Variants in SLC6A11 observed in about 807,000 individuals in gnomAD.
SLC6A11 encodes the protein solute carrier family 6 member 11, also known as sodium- and chloride-dependent GABA transporter 3.
In SLC6A11, 25 loss-of-function variants were observed where a neutral mutation model predicts 74.8. That is an observed-to-expected ratio of 0.33 (90% CI 0.24 to 0.47). SLC6A11 has a LOEUF of 0.47. Ranked by LOEUF, SLC6A11 falls within the 20% of genes least tolerant of loss-of-function variation. The pLI is 1.00. For synonymous variants in SLC6A11, 330 were observed against 330.2 expected (o/e 1.00, Z 0.01); for missense variants, 574 against 837.0 (o/e 0.69, Z 3.88).
Position 10,938,729 on chromosome 3 carries a change from G to T in SLC6A11, c.*327G>T, listed in dbSNP as rs1374679009. ...AAAACTTTTTTTACTGGGGTTGTGG[G>T]CCAGGTGGGGTGGGGAGTGATGGCT... On this transcript the variant is annotated 3_prime_UTR_variant, in exon 14 of 14. Coordinates refer to ENST00000254488, the MANE Select transcript of SLC6A11 (RefSeq NM_014229.3). The T allele has an allele frequency of 6.3e-5, 11 of 174,834 alleles. No homozygotes were observed. Among genetic ancestry groups the T allele is most frequent in the African/African-American group, 2.6e-4 (11 of 42,470 alleles). 10.8% of individuals were successfully genotyped at this position (174,834 alleles called of 1,614,324 possible).
intron 4 of SLC6A11, among the ~76,000 whole-genome samples, chr3:10,837,422 C>T (rs1694381101): frequency 6.6e-6 from 1 of 152,270 alleles, no homozygotes; most frequent in Non-Finnish European, 1.5e-5. Flanking sequence ...CACAATTCCC[C>T]ATCTTTCCCA....
chr3:10,927,545 G>A (rs753615813), intron 9 of SLC6A11, among the ~76,000 whole-genome samples: 5 of 152,202 alleles, frequency 3.3e-5, no homozygotes, highest in Non-Finnish European at 7.3e-5. Context: ...TCGTGTACCC[G>A]GGCCCGTCTG....
At chr3:10,823,198 G>T in intron 3 of SLC6A11, 104 bp from the exon 4 acceptor site, 2 of 761,662 alleles carry the variant, frequency 2.6e-6, no homozygotes, top group Non-Finnish European at 4.7e-6. Flanking sequence ...ACCTGGAGTG[G>T]GTAGATGAAA....
chr3:10,928,581 A>G (rs1454410074), intron 9 of SLC6A11, among the ~76,000 whole-genome samples: 1 of 152,204 alleles, frequency 6.6e-6, no homozygotes. Flanking sequence ...TTAGTGGCTC[A>G]GACTCAGCCA....
rs1345449435 is a variant in SLC6A11, at chr3:10,926,804, C to T, written c.1233+688C>T. Among the ~76,000 whole-genome samples the T allele has an allele frequency of 6.6e-6, 1 of 152,190 alleles. No homozygotes were observed. Among genetic ancestry groups the T allele is most frequent in the Non-Finnish European group, 1.5e-5 (1 of 68,036 alleles). On this transcript the variant is annotated intron_variant, in intron 9 of 13. Coordinates refer to ENST00000254488, the MANE Select transcript of SLC6A11 (RefSeq NM_014229.3). The surrounding 1 kb of genome is among the most constrained non-coding windows in gnomAD (Gnocchi z 5.7). ...CTGAGCACACTCCAGACTCCCATCC[C>T]AGGTCCCCGGCCTCTTTCCCAGACC...
In SLC6A11 at chr3:10,934,911, C is replaced by T; in HGVS notation, c.1576-118C>T. 5.8e-6 allele frequency: 5 copies of T among 867,018 alleles called. No individual in the cohort carries two copies. In the South Asian group the frequency reaches 8.1e-5, roughly 14 times the overall value. The allele number at this position is 867,018 out of a possible 1,614,324, so 53.7% of individuals were successfully genotyped here. On this transcript the variant is annotated intron_variant, in intron 12 of 13. Transcript: ENST00000254488. ...GGCCTCACTTTTCATGGCTGTGAAACAGGGCCAGCTTCCTCCCCTGCCAGC... is the reference window on the plus strand; with the variant it reads ...GGCCTCACTTTTCATGGCTGTGAAATAGGGCCAGCTTCCTCCCCTGCCAGC...
At chr3:10,910,998 T>A (rs1197595878) in intron 6 of SLC6A11, among the ~76,000 whole-genome samples, 1 of 151,948 alleles carries the variant, frequency 6.6e-6, no homozygotes, top group Non-Finnish European at 1.5e-5. Flanking sequence ...ATTTTTGTAT[T>A]TTTAGTACAG....
At chr3:10,895,114 G>T (rs1341372649) in intron 6 of SLC6A11, among the ~76,000 whole-genome samples, 2 of 152,142 alleles carry the variant, frequency 1.3e-5, no homozygotes, top group Admixed American at 1.3e-4. Flanking sequence ...GAGATGAACA[G>T]CCTGGAAGTG....
At chr3:10,927,041 C>T (rs558137188) in intron 9 of SLC6A11, among the ~76,000 whole-genome samples, 2 of 152,302 alleles carry the variant, frequency 1.3e-5, no homozygotes, top group Admixed American at 6.5e-5. Flanking sequence ...GTGGGAGTGC[C>T]GCCCTCACCC....
At chr3:10,933,318 GGACTCTGGTT>G in intron 11 of SLC6A11, 65 bp downstream of exon 11, 1 of 1,143,928 alleles carries the variant, frequency 8.7e-7, no homozygotes, top group Non-Finnish European at 1.3e-6. Flanking sequence ...CCTGGTGCTT[GGACTCTGGTT>G]GGCTCTGGTT....
At chr3:10,850,111 T>C (rs2106589084) in intron 5 of SLC6A11, among the ~76,000 whole-genome samples, 1 of 152,318 alleles carries the variant, frequency 6.6e-6, no homozygotes, top group African/African-American at 2.4e-5. Context: ...ATTTGTGGAC[T>C]GATGGTCTAA....
intron 7 of SLC6A11, 31 bp downstream of exon 7, chr3:10,912,224 C>CAGGGTTTGGTGGAGAGCTGG: frequency 1.4e-6 from 2 of 1,443,060 alleles, no homozygotes; most frequent in Non-Finnish European, 2.0e-6. Context: ...TGCCAGCTCT[C>CAGGGTTTGGTGGAGAGCTGG]CACCAAACCC....
Position 10,938,499 on chromosome 3 carries a change from C to T in SLC6A11, c.*97C>T. ...TACTTCACCTAATGGTAGGGGCTTG[C>T]TTGTTTTGCACAGGATTAATTAACA... On this transcript the variant is annotated 3_prime_UTR_variant, in exon 14 of 14. Transcript: ENST00000254488. The T allele has an allele frequency of 1.5e-6, 2 of 1,319,246 alleles. No homozygotes were observed. Among genetic ancestry groups the T allele is most frequent in the South Asian group, 1.5e-5 (1 of 67,416 alleles). The allele number at this position is 1,319,246 out of a possible 1,614,324, so 81.7% of individuals were successfully genotyped here.
At chr3:10,931,784 C>G (rs1695691189) in intron 10 of SLC6A11, among the ~76,000 whole-genome samples, 1 of 152,222 alleles carries the variant, frequency 6.6e-6, no homozygotes, top group Non-Finnish European at 1.5e-5. Context: ...CCTCCCTTTT[C>G]TCATTCGTAT....
At chr3:10,917,384 G>A (rs966176143) in intron 7 of SLC6A11, among the ~76,000 whole-genome samples, 2 of 152,300 alleles carry the variant, frequency 1.3e-5, no homozygotes, top group South Asian at 2.1e-4. Flanking sequence ...CCGGCCACCC[G>A]CAGGGATGCC....
chr3:10,853,202 A>C (rs1694598217), intron 5 of SLC6A11, among the ~76,000 whole-genome samples: 1 of 152,228 alleles, frequency 6.6e-6, no homozygotes, highest in Non-Finnish European at 1.5e-5. Flanking sequence ...GAGGCCAGCA[A>C]GTCTGGGCAG....
At chr3:10,836,451 A>G (rs543646282) in intron 4 of SLC6A11, among the ~76,000 whole-genome samples, 6 of 152,298 alleles carry the variant, frequency 3.9e-5, no homozygotes, top group East Asian at 1.9e-4. Context: ...TGGCTGAACT[A>G]TTTTGCATTC....
intron 4 of SLC6A11, among the ~76,000 whole-genome samples, chr3:10,828,536 A>G (rs1298109028): frequency 2.0e-5 from 3 of 152,296 alleles, no homozygotes; most frequent in African/African-American, 4.8e-5. Context: ...TCCCAGGCCT[A>G]TCTTCCCCTC....
chr3:10,923,683 T>C (rs1014662210), intron 8 of SLC6A11, among the ~76,000 whole-genome samples: 1 of 152,082 alleles, frequency 6.6e-6, no homozygotes, highest in African/African-American at 2.4e-5. Flanking sequence ...AATCAGTAGG[T>C]AAAAGTTGGA....
Sources: gnomAD v4.1 joint callset for allele counts (sites outside exome capture counted in the v4.1 genomes callset) on GRCh38, gnomAD v4.1.1 for gene constraint, Gnocchi (gnomAD v3.1) non-coding constraint, MANE v1.5 for transcripts, NCBI Gene and HGNC (gene_info 2026-07-23, HGNC 2026-07-21) for gene names.